CHSY3: variants seen among roughly 807,000 people sequenced by gnomAD.
The protein encoded by CHSY3 is chondroitin sulfate synthase 3.
CHSY3 carries 35 observed loss-of-function variants against 67.2 expected under a neutral mutation model. The observed-to-expected ratio is 0.52, with a 90% confidence interval of 0.40 to 0.69. The LOEUF (loss-of-function observed/expected upper bound fraction) is 0.69, where lower values mean the gene tolerates loss of function less well. Ranked by LOEUF, CHSY3 falls within the 30% of genes least tolerant of loss-of-function variation. The probability of loss-of-function intolerance (pLI) is 0.00; values close to 1 mark genes in which losing one functional copy is unlikely to be tolerated. For missense variants in CHSY3, 1,069 were observed against 1,138.5 expected (o/e 0.94, Z 0.88); for synonymous variants, 474 against 434.7 (o/e 1.09, Z -1.12).
rs776341406 is a variant in CHSY3 at position 129,905,097 on chromosome 5, G to A, written c.268G>A (p.Glu90Lys). The A allele has an allele frequency of 2.6e-6, 4 of 1,541,736 alleles. No homozygotes were observed. The highest frequency in any genetic ancestry group is 2.6e-6 in the Non-Finnish European group (3 of 1,149,834). Residue 90 changes from glutamate (E) to lysine (K), a missense_variant, in exon 1 of 3, where the codon GAG (glutamate) becomes AAG (lysine). Glu to Lys is a moderately conservative substitution (Grantham distance 56). Transcript: ENST00000305031. The part of the protein sequence containing the change: ...RQDLQGPPLP[E>K]AAPGITSFRS... ...GGATCTCCAGGGGCCACCGCTGCCC[G>A]AGGCAGCACCCGGGATCACCAGTTT...
At chr5:129,917,003 T>G (rs1055804249) in intron 2 of CHSY3, among the ~76,000 whole-genome samples, 6 of 152,224 alleles carry the variant, frequency 3.9e-5, no homozygotes, top group Non-Finnish European at 8.8e-5. Context: ...CTTTTGTTTA[T>G]ATATCTATCC....
intron 2 of CHSY3, among the ~76,000 whole-genome samples, chr5:130,096,860 G>A (rs1355465992): frequency 6.6e-6 from 1 of 152,086 alleles, no homozygotes; most frequent in East Asian, 1.9e-4. Flanking sequence ...GTAGGAGCCC[G>A]AATTGTCCAG....
At chr5:129,970,778 T>C (rs1005653355) in intron 2 of CHSY3, among the ~76,000 whole-genome samples, 1 of 152,016 alleles carries the variant, frequency 6.6e-6, no homozygotes, top group African/African-American at 2.4e-5. Context: ...CCAGCTACTC[T>C]AGGCTATAAA....
At chr5:129,914,846 T>G (rs1760685868) in intron 2 of CHSY3, among the ~76,000 whole-genome samples, 1 of 152,222 alleles carries the variant, frequency 6.6e-6, no homozygotes. Context: ...ACTACAATTA[T>G]GAAAAATGTT....
chr5:130,000,885 C>T (rs1174331766), intron 2 of CHSY3, among the ~76,000 whole-genome samples: 46 of 124,644 alleles, frequency 3.7e-4, no homozygotes, highest in African/African-American at 1.4e-3. Context: ...AGCCTGTCTT[C>T]TTTTTTTTTT....
intron 2 of CHSY3, among the ~76,000 whole-genome samples, chr5:130,021,976 C>G (rs17162920): frequency 0.54 from 81,626 of 151,812 alleles, 22,336 homozygotes; most frequent in East Asian, 0.67. Flanking sequence ...GAGTACAGGA[C>G]TAATTAACTG....
intron 2 of CHSY3, among the ~76,000 whole-genome samples, chr5:129,986,182 C>T (rs1763195822): frequency 1.3e-5 from 2 of 152,158 alleles, no homozygotes; most frequent in South Asian, 4.2e-4. Flanking sequence ...TCACTCTTAT[C>T]ATTTTGAGGT....
intron 2 of CHSY3, among the ~76,000 whole-genome samples, chr5:129,916,930 T>C (rs1461255617): frequency 1.3e-5 from 2 of 152,216 alleles, no homozygotes; most frequent in Non-Finnish European, 2.9e-5. Context: ...GGTCCAACTT[T>C]GGTACCTCTC....
chr5:129,991,500 T>C (rs1763365745), intron 2 of CHSY3, among the ~76,000 whole-genome samples: 1 of 152,180 alleles, frequency 6.6e-6, no homozygotes, highest in South Asian at 2.1e-4. Context: ...ATAGTGCTGA[T>C]ATATTTAAGA....
At chr5:130,100,500 C>T (rs1243541325) in intron 2 of CHSY3, among the ~76,000 whole-genome samples, 1 of 152,104 alleles carries the variant, frequency 6.6e-6, no homozygotes, top group East Asian at 1.9e-4. Flanking sequence ...CCTTGATGCT[C>T]ATACACACCT....
chr5:130,106,028 A>G (rs1315855667), intron 2 of CHSY3, among the ~76,000 whole-genome samples: 5 of 151,578 alleles, frequency 3.3e-5, no homozygotes, highest in Non-Finnish European at 7.4e-5. Context: ...CACTGTGAAT[A>G]TGTGAAAATA....
intron 2 of CHSY3, among the ~76,000 whole-genome samples, chr5:129,936,262 G>A (rs905562087): frequency 1.3e-5 from 2 of 152,264 alleles, no homozygotes; most frequent in African/African-American, 4.8e-5. Flanking sequence ...GGCATGTTAG[G>A]ATTCTTGGTT....
chr5:129,986,480 A>G (rs969103366), intron 2 of CHSY3, among the ~76,000 whole-genome samples: 2 of 152,054 alleles, frequency 1.3e-5, no homozygotes, highest in Admixed American at 1.3e-4. Context: ...ATTGGCCTAA[A>G]GTTTTCCTTT....
intron 2 of CHSY3, among the ~76,000 whole-genome samples, chr5:130,113,448 G>A (rs1289332668): frequency 6.6e-6 from 1 of 152,116 alleles, no homozygotes; most frequent in African/African-American, 2.4e-5. Context: ...TTTAAACTCA[G>A]AAACAAAGCT....
intron 2 of CHSY3, among the ~76,000 whole-genome samples, chr5:129,948,375 G>A (rs936718925): frequency 6.6e-6 from 1 of 151,958 alleles, no homozygotes; most frequent in African/African-American, 2.4e-5. Context: ...CCATTGTATT[G>A]TTCTTATGCC....
intron 2 of CHSY3, among the ~76,000 whole-genome samples, chr5:130,157,339 T>C (rs1769401183): frequency 6.6e-6 from 1 of 152,236 alleles, no homozygotes; most frequent in African/African-American, 2.4e-5. Flanking sequence ...TATACCTTAA[T>C]AGGACTGCAA....
rs544774192 is a variant in CHSY3, at chr5:129,930,052, A to G, written c.1086+21692A>G. Among the ~76,000 whole-genome samples, 6 of 152,324 alleles carry G rather than the reference A, an allele frequency of 3.9e-5. No individual in the cohort carries two copies. The East Asian group carries it at 1.2e-3, about 29-fold the overall frequency. ...GGTATAAAATTCTATGCCTTCGGGC[A>G]TGGTGGCTTAAGCAAGCATGGATGG... On this transcript the variant is annotated intron_variant, in intron 2 of 2. Transcript: ENST00000305031.
At chr5:130,069,865 C>T (rs1766004118) in intron 2 of CHSY3, among the ~76,000 whole-genome samples, 1 of 151,946 alleles carries the variant, frequency 6.6e-6, no homozygotes, top group Admixed American at 6.6e-5. Context: ...TAGAGAATTC[C>T]TCTGTCATAA....
chr5:129,945,071 T>C (rs141769140), intron 2 of CHSY3, among the ~76,000 whole-genome samples: 1 of 152,356 alleles, frequency 6.6e-6, no homozygotes, highest in African/African-American at 2.4e-5. Flanking sequence ...GCAAATTAAC[T>C]GGATTGGGAA....
Sources: gnomAD v4.1 joint callset for allele counts (sites outside exome capture counted in the v4.1 genomes callset) on GRCh38, gnomAD v4.1.1 for gene constraint, MANE v1.5 for transcripts, NCBI Gene and HGNC (gene_info 2026-07-23, HGNC 2026-07-21) for gene names.